Variants in IQSEC1 observed in about 807,000 individuals in gnomAD.
IQSEC1 encodes the protein IQ motif and SEC7 domain-containing protein 1.
Under a neutral mutation model 91.0 loss-of-function variants are expected in IQSEC1, and 31 were observed. The observed-to-expected ratio is 0.34, with a 90% CI of 0.26 to 0.46. The LOEUF is 0.46. IQSEC1 is among the 20% of genes least tolerant of loss of function. The probability of loss-of-function intolerance (pLI) is 1.00; values close to 1 mark genes in which losing one functional copy is unlikely to be tolerated. For missense variants in IQSEC1, 1,388 were observed against 1,575.6 expected (o/e 0.88, Z 2.02); for synonymous variants, 699 against 662.6 (o/e 1.05, Z -0.84).
intron 1 of IQSEC1, among the ~76,000 whole-genome samples, chr3:13,012,981 G>A (rs866424388): frequency 1.4e-4 from 2 of 14,734 alleles, no homozygotes; most frequent in African/African-American, 1.1e-3. Flanking sequence ...TTTTTTTTTT[G>A]AGACAGTCTT....
chr3:13,161,102 C>T (rs575556913), intron 2 of IQSEC1, among the ~76,000 whole-genome samples: 1 of 152,344 alleles, frequency 6.6e-6, no homozygotes, highest in East Asian at 1.9e-4. Context: ...ACATAGGAAA[C>T]ATCCTGAGTC....
chr3:13,021,994 C>T (rs1007200927), intron 1 of IQSEC1: 5 of 1,207,352 alleles, frequency 4.1e-6, no homozygotes, highest in Non-Finnish European at 5.2e-6. Context: ...GCCCAACAGT[C>T]GACAGCCAGG....
In IQSEC1 at chr3:12,967,893, G is replaced by C. The variant is rs1037944053; in HGVS notation, c.24-26028C>G. Among the ~76,000 whole-genome samples, 464 of 147,498 alleles carry C rather than the reference G, an allele frequency of 3.1e-3. 7 individuals are homozygous for C. The highest frequency in any genetic ancestry group is 0.011 in the African/African-American group (430 of 37,672). ...GCGCCGCGGAAGAAGCACAGGGGGC[G>C]GGGGGTCAGGGGCGGGGCGTCAGGG... On this transcript the variant is annotated intron_variant, in intron 1 of 13. Coordinates refer to ENST00000613206, the MANE Select transcript of IQSEC1 (RefSeq NM_001134382.3). The surrounding 1 kb of genome is among the most constrained non-coding windows in gnomAD (Gnocchi z 5.9).
rs187000991 is a variant in IQSEC1 at position 13,028,268 on chromosome 3, C to T, written c.23+44724G>A. Among the ~76,000 whole-genome samples, 353 of 152,316 alleles carry T rather than the reference C, an allele frequency of 2.3e-3. 13 individuals are homozygous for T. The highest frequency in any genetic ancestry group is 0.021 in the Admixed American group (318 of 15,304). The stretch of plus-strand genomic sequence containing the variant: ...ACTTGATCCCTCTGCCCTTATTTTG[C>T]AAATAAAACTGAGTCCCAGATAAGG... On this transcript the variant is annotated intron_variant, in intron 1 of 13. Transcript: ENST00000613206.
intron 3 of IQSEC1, among the ~76,000 whole-genome samples, chr3:12,926,922 G>A (rs1017086532): frequency 6.6e-6 from 1 of 152,224 alleles, no homozygotes; most frequent in East Asian, 1.9e-4. Context: ...TGGCACAGAA[G>A]TGGTAATGGA....
chr3:13,030,053 C>G (rs1010501837), intron 1 of IQSEC1, among the ~76,000 whole-genome samples: 1 of 152,204 alleles, frequency 6.6e-6, no homozygotes, highest in Non-Finnish European at 1.5e-5. Context: ...ATCTTCCCAT[C>G]TCAGCTTCCG....
chr3:12,959,329 C>T (rs868192521), intron 1 of IQSEC1, among the ~76,000 whole-genome samples: 1 of 152,160 alleles, frequency 6.6e-6, no homozygotes, highest in Admixed American at 6.5e-5. Context: ...GGAGACCCTG[C>T]GGAGCTTGAA....
In IQSEC1 at chr3:12,947,956, G is replaced by A. The variant is rs181869183; in HGVS notation, c.24-6091C>T. On this transcript the variant is annotated intron_variant, in intron 1 of 13. Coordinates refer to ENST00000613206, the MANE Select transcript of IQSEC1 (RefSeq NM_001134382.3). ...CAGTGTTGCAATGGACACCTCGCAG[G>A]AATAGAGATCACAACTTGAAGAGTT... Among the ~76,000 whole-genome samples the A allele has an allele frequency of 2.2e-3, 339 of 152,352 alleles. 10 individuals are homozygous for A. Among genetic ancestry groups the A allele is most frequent in the Admixed American group, 0.022 (336 of 15,306 alleles).
rs1491570115 is a variant in IQSEC1 at position 12,905,880 on chromosome 3, CCA to C, written c.2755+2467_2755+2468del. 2.6e-5 allele frequency among the ~76,000 whole-genome samples: 4 copies of C among 152,240 alleles called. No homozygotes were observed. In the East Asian group the frequency reaches 5.8e-4, roughly 22 times the overall value. ...ATCACCACTTGGCTGAACCCTGTTTCCACAGTCCTTGCTGGGTCCTTGGTCTT... is the reference window on the plus strand; with the variant it reads ...ATCACCACTTGGCTGAACCCTGTTTCCAGTCCTTGCTGGGTCCTTGGTCTT... On this transcript the variant is annotated intron_variant, in intron 12 of 13. Coordinates refer to ENST00000613206, the MANE Select transcript of IQSEC1 (RefSeq NM_001134382.3).
In IQSEC1 at chr3:13,079,181, G is replaced by A. The variant is rs572453827; in HGVS notation, c.303-31659C>T. ...AGCACAGATGTGCACGTGGAGTTGG[G>A]CTGTGTGTAGGGCGGAGGGACCGGC... is the stretch of plus-strand genomic sequence containing the variant. On this transcript the variant is annotated intron_variant, in intron 2 of 15. Transcript: ENST00000648114. Among the ~76,000 whole-genome samples, 9 of 152,344 alleles carry A rather than the reference G, an allele frequency of 5.9e-5. No individual in the cohort carries two copies. The South Asian group carries it at 1.0e-3, about 18-fold the overall frequency.
chr3:13,109,165 C>T (rs367866973), intron 2 of IQSEC1, among the ~76,000 whole-genome samples: 40 of 152,266 alleles, frequency 2.6e-4, no homozygotes, highest in South Asian at 1.9e-3. Context: ...GACTGGCATG[C>T]GCAATGCTGC....
At chr3:12,928,442 C>T (rs991496258) in intron 3 of IQSEC1, among the ~76,000 whole-genome samples, 3 of 152,188 alleles carry the variant, frequency 2.0e-5, no homozygotes, top group Admixed American at 2.0e-4. Context: ...TAGGGAGAAG[C>T]TGCAGCTGGA....
chr3:13,189,599 TAA>T (rs893493418), intron 1 of IQSEC1, among the ~76,000 whole-genome samples: 30 of 152,212 alleles, frequency 2.0e-4, no homozygotes, highest in African/African-American at 6.8e-4. Context: ...CAGCAGAACA[TAA>T]GTCTCAGAGG....
intron 2 of IQSEC1, among the ~76,000 whole-genome samples, chr3:13,132,800 T>A (rs930193148): frequency 1.3e-5 from 2 of 152,188 alleles, no homozygotes; most frequent in African/African-American, 2.4e-5. Flanking sequence ...CTGAACGGAT[T>A]TTGTTTCACC....
chr3:13,228,552 G>T (rs1694795288), intron 1 of IQSEC1, among the ~76,000 whole-genome samples: 1 of 152,214 alleles, frequency 6.6e-6, no homozygotes, highest in African/African-American at 2.4e-5. Context: ...ACTTTGAAAA[G>T]AAACCAAAAT....
In IQSEC1 at chr3:12,983,386, G is replaced by C. The variant is rs1701564002; in HGVS notation, c.24-41521C>G. ...TGGGTGCTGGCTTGGGGGCGGGTGA[G>C]GAGCAGGAGGAAGCATGGCTCACTC... is the stretch of plus-strand genomic sequence containing the variant. On this transcript the variant is annotated intron_variant, in intron 1 of 13. Coordinates refer to ENST00000613206, the MANE Select transcript of IQSEC1 (RefSeq NM_001134382.3). The surrounding 1 kb of genome is among the most constrained non-coding windows in gnomAD (Gnocchi z 4.3). 6.6e-6 allele frequency among the ~76,000 whole-genome samples: 1 copy of C among 152,196 alleles called. No homozygotes were observed. Among genetic ancestry groups the C allele is most frequent in the Non-Finnish European group, 1.5e-5 (1 of 68,024 alleles).
At chr3:13,131,949 T>C (rs1481233331) in intron 2 of IQSEC1, among the ~76,000 whole-genome samples, 1 of 152,256 alleles carries the variant, frequency 6.6e-6, no homozygotes, top group East Asian at 1.9e-4. Flanking sequence ...AATTGCTATA[T>C]TAGTGGGCTT....
At chr3:12,966,464 G>A (rs1283054094) in intron 1 of IQSEC1, among the ~76,000 whole-genome samples, 2 of 152,180 alleles carry the variant, frequency 1.3e-5, no homozygotes, top group African/African-American at 4.8e-5. Flanking sequence ...CTCCTCAGAA[G>A]GGCCTGCAGA....
chr3:13,187,521 A>G (rs1284215172), intron 1 of IQSEC1, among the ~76,000 whole-genome samples: 1 of 152,208 alleles, frequency 6.6e-6, no homozygotes, highest in Non-Finnish European at 1.5e-5. Context: ...TAACTTGTTT[A>G]TTGTCCCTCT....
Sources: allele counts gnomAD v4.1 joint callset (sites outside exome capture counted in the v4.1 genomes callset), GRCh38; gene constraint gnomAD v4.1.1; non-coding constraint Gnocchi (gnomAD v3.1); transcripts MANE v1.5; gene names NCBI Gene and HGNC (gene_info 2026-07-23, HGNC 2026-07-21).